ANKRD55: variants seen among roughly 807,000 people sequenced by gnomAD.
ANKRD55 encodes ankyrin repeat domain 55, also known as ankyrin repeat domain-containing protein 55.
In ANKRD55, 41 loss-of-function variants were observed where a neutral mutation model predicts 60.6. The observed-to-expected ratio is 0.68, with a 90% CI of 0.53 to 0.88. ANKRD55 has a LOEUF of 0.88. Among genes scored for constraint, ANKRD55 ranks in the 40% least tolerant of loss-of-function variants. The probability of loss-of-function intolerance (pLI) is 0.00; values close to 1 mark genes in which losing one functional copy is unlikely to be tolerated. For missense variants in ANKRD55, 732 were observed against 767.6 expected (o/e 0.95, Z 0.55); for synonymous variants, 264 against 290.3 (o/e 0.91, Z 0.92).
rs566057669 is a variant in ANKRD55, at chr5:56,135,262, CTT to C, written c.613-8158_613-8157del. 2.9e-3 allele frequency among the ~76,000 whole-genome samples: 340 copies of C among 116,238 alleles called. 8 individuals are homozygous for C. Among genetic ancestry groups the C allele is most frequent in the Middle Eastern group, 4.3e-3 (1 of 234 alleles). The allele number at this position is 116,238 out of a possible 152,430, so 76.3% of individuals were successfully genotyped here. On this transcript the variant is annotated intron_variant, in intron 7 of 11. Coordinates refer to ENST00000341048, the MANE Select transcript of ANKRD55 (RefSeq NM_024669.3). ...TCCTTCCTTCCTTCCTTCCTTCCTT[CTT>C]TCCCTCCCTCCCTCCCTGCCTGCCT...
intron 2 of ANKRD55, among the ~76,000 whole-genome samples, chr5:56,197,622 A>G (rs1195826315): frequency 6.6e-6 from 1 of 152,214 alleles, no homozygotes; most frequent in African/African-American, 2.4e-5. Context: ...TGGTTTTAAA[A>G]CATAAGGCTT....
At chr5:56,137,950 A>C (rs1383778935) in intron 7 of ANKRD55, among the ~76,000 whole-genome samples, 1 of 152,110 alleles carries the variant, frequency 6.6e-6, no homozygotes, top group African/African-American at 2.4e-5. Flanking sequence ...CATCAGAAAA[A>C]CACAAACTAA....
In ANKRD55 at chr5:56,159,893, C is replaced by T. The variant is rs775050737; in HGVS notation, c.423G>A (p.Arg141=). 2 of 1,612,952 alleles carry T rather than the reference C, an allele frequency of 1.2e-6. No individual in the cohort carries two copies. Among genetic ancestry groups the T allele is most frequent in the Non-Finnish European group, 1.7e-6 (2 of 1,179,186 alleles). The change falls in exon 6 of 12, where the codon AGG becomes AGA. Residue 141 remains arginine (R), a splice_region_variant and synonymous_variant. Transcript: ENST00000341048. ...LHAATAEPDM[R]LLTVLLQQSN... The stretch of plus-strand genomic sequence containing the variant: ...ACTGTTGCAACAGGACCGTGAGGAG[C>T]CTGTAAGGAAAAAATAGGAGAAATG...
intron 3 of ANKRD55, 36 bp from the exon 4 acceptor site, chr5:56,176,318 G>A (rs201838484): frequency 1.9e-6 from 3 of 1,613,696 alleles, no homozygotes; most frequent in African/African-American, 1.3e-5. Context: ...TTAAACATGT[G>A]TGACCCATGA....
chr5:56,107,428 C>A (rs1037469767), intron 10 of ANKRD55, among the ~76,000 whole-genome samples: 2 of 152,094 alleles, frequency 1.3e-5, no homozygotes, highest in Non-Finnish European at 2.9e-5. Flanking sequence ...CCCCAAACCA[C>A]GTTTATTGAA....
intron 2 of ANKRD55, among the ~76,000 whole-genome samples, chr5:56,219,414 C>A (rs977221618): frequency 6.6e-6 from 1 of 152,156 alleles, no homozygotes; most frequent in Non-Finnish European, 1.5e-5. Context: ...TTCTCTTCCT[C>A]CCTCAATATA....
At chr5:56,160,576 C>T (rs1758303028) in intron 5 of ANKRD55, among the ~76,000 whole-genome samples, 1 of 152,168 alleles carries the variant, frequency 6.6e-6, no homozygotes, top group Non-Finnish European at 1.5e-5. Flanking sequence ...TGCCTAAGCA[C>T]AAGATTCACT....
Position 56,100,054 on chromosome 5 carries a change from T to A in ANKRD55, c.*129A>T, listed in dbSNP as rs1348469415. The A allele has an allele frequency of 2.0e-5, 25 of 1,253,216 alleles. No homozygotes were observed. The Admixed American group carries it at 4.9e-4, about 24-fold the overall frequency. The allele number at this position is 1,253,216 out of a possible 1,614,324, so 77.6% of individuals were successfully genotyped here. ...TTTATTTGGAATAAAGAATTTCGAG[T>A]TATAAAACTGATGGCTTATAGAATG... On this transcript the variant is annotated 3_prime_UTR_variant, in exon 12 of 12. Coordinates refer to ENST00000341048, the MANE Select transcript of ANKRD55 (RefSeq NM_024669.3).
Position 56,233,286 on chromosome 5 carries a change from A to C in ANKRD55, c.-79T>G, listed in dbSNP as rs1760301407. On this transcript the variant is annotated 5_prime_UTR_variant, in exon 1 of 12. Coordinates refer to ENST00000341048, the MANE Select transcript of ANKRD55 (RefSeq NM_024669.3). The stretch of plus-strand genomic sequence containing the variant: ...ACACAGCAGATCACGGAGCTTCAGC[A>C]GCTGGAATGTCGCTTTACACCAACA... 4.1e-6 allele frequency: 1 copy of C among 244,912 alleles called. No homozygotes were observed. The highest frequency in any genetic ancestry group is 2.2e-5 in the African/African-American group (1 of 44,766). 15.2% of individuals were successfully genotyped at this position (244,912 alleles called of 1,614,324 possible).
At chr5:56,150,690 G>A (rs1758018811) in intron 6 of ANKRD55, among the ~76,000 whole-genome samples, 1 of 152,062 alleles carries the variant, frequency 6.6e-6, no homozygotes, top group Non-Finnish European at 1.5e-5. Flanking sequence ...TTGAGGTCAG[G>A]AGTTCGAGAC....
chr5:56,186,933 T>A (rs1233649844), intron 2 of ANKRD55, among the ~76,000 whole-genome samples: 12 of 152,190 alleles, frequency 7.9e-5, no homozygotes. Context: ...GCTCTGTGTT[T>A]AACAGCCTGT....
At chr5:56,168,063 T>C (rs13178597) in intron 5 of ANKRD55, among the ~76,000 whole-genome samples, 11,346 of 152,242 alleles carry the variant, frequency 0.075, 572 homozygotes, top group Non-Finnish European at 0.11. Context: ...GAGGCATTGT[T>C]GGGAGGTAGA....
chr5:56,224,551 C>T (rs114759278), intron 2 of ANKRD55, among the ~76,000 whole-genome samples: 5,954 of 151,900 alleles, frequency 0.039, 149 homozygotes, highest in African/African-American at 0.074. Flanking sequence ...ATCCAGGAGC[C>T]GCTTTTTTGA....
chr5:56,228,542 C>T (rs1181876614), intron 2 of ANKRD55, among the ~76,000 whole-genome samples: 2 of 151,900 alleles, frequency 1.3e-5, no homozygotes, highest in East Asian at 3.9e-4. Context: ...TCTTGTGCCT[C>T]AGCCTCCCAA....
intron 8 of ANKRD55, among the ~76,000 whole-genome samples, chr5:56,126,692 CA>C (rs1029343227): frequency 2.6e-5 from 4 of 152,108 alleles, no homozygotes; most frequent in African/African-American, 9.7e-5. Flanking sequence ...GAACATTTAG[CA>C]AAAAGTGGAA....
At chr5:56,193,164 G>A (rs1462681394) in intron 2 of ANKRD55, 1 of 685,920 alleles carries the variant, frequency 1.5e-6, no homozygotes, top group Non-Finnish European at 2.5e-6. Context: ...AAACAGGGCT[G>A]TATGAGTGGA....
At chr5:56,135,121 T>C (rs917341023) in intron 7 of ANKRD55, among the ~76,000 whole-genome samples, 3 of 152,232 alleles carry the variant, frequency 2.0e-5, no homozygotes, top group Admixed American at 6.5e-5. Context: ...AGAGCATCTA[T>C]AGAAAACCTA....
intron 6 of ANKRD55, among the ~76,000 whole-genome samples, chr5:56,149,067 G>A (rs757247624): frequency 6.6e-6 from 1 of 152,126 alleles, no homozygotes; most frequent in Non-Finnish European, 1.5e-5. Flanking sequence ...TACTTTAAAA[G>A]TAGATCTAGT....
chr5:56,210,789 C>A (rs1274577844), intron 2 of ANKRD55, among the ~76,000 whole-genome samples: 1 of 151,950 alleles, frequency 6.6e-6, no homozygotes, highest in Non-Finnish European at 1.5e-5. Flanking sequence ...CTTTATGAAA[C>A]CTTGTGCTTA....
Sources: allele counts gnomAD v4.1 joint callset (sites outside exome capture counted in the v4.1 genomes callset), GRCh38; gene constraint gnomAD v4.1.1; transcripts MANE v1.5; gene names NCBI Gene and HGNC (gene_info 2026-07-23, HGNC 2026-07-21).